The following ABCA10 variants were observed in gnomAD, a reference collection of about 807,000 sequenced individuals.
The protein encoded by ABCA10 is ATP-binding cassette sub-family A member 10.
Under a neutral mutation model 187.5 loss-of-function variants are expected in ABCA10, and 169 were observed. The ratio of observed to expected loss-of-function variants is 0.90; its 90% CI spans 0.80 to 1.02. ABCA10 has a LOEUF of 1.02. Ranked by LOEUF, ABCA10 falls within the 50% of genes least tolerant of loss-of-function variation. The pLI is 0.00. For missense variants in ABCA10, 1,727 were observed against 1,812.4 expected, an observed-to-expected ratio of 0.95 and a Z score of 0.86; for synonymous variants, 574 against 601.8, an observed-to-expected ratio of 0.95 and a Z score of 0.68.
chr17:69,238,650 G>A (rs1713631718), intron 1 of ABCA10, among the ~76,000 whole-genome samples: 1 of 152,144 alleles, frequency 6.6e-6, no homozygotes, highest in Non-Finnish European at 1.5e-5. Flanking sequence ...TAAAATGATT[G>A]GGCATTCTGT....
rs543721541 is a variant in ABCA10 at position 69,151,666 on chromosome 17, G to A, written c.4397+377C>T. On this transcript the variant is annotated intron_variant, in intron 36 of 38. Transcript: ENST00000690296. ...TCTCAAGCATGGAAGTCTGTGTTAC[G>A]GAGCTCTTGATGCAATTTATATTCA... Among the ~76,000 whole-genome samples, 207 of 152,198 alleles carry A rather than the reference G, an allele frequency of 1.4e-3. 1 individual carries two copies. Among genetic ancestry groups the A allele is most frequent in the Non-Finnish European group, 2.5e-3 (173 of 68,012 alleles).
chr17:69,216,920 GC>G (rs1406181239), intron 6 of ABCA10, among the ~76,000 whole-genome samples: 3 of 152,058 alleles, frequency 2.0e-5, no homozygotes, highest in South Asian at 4.1e-4. Flanking sequence ...ATACCATAGT[GC>G]TATTAAGAAA....
rs1349049226 is a variant in ABCA10, at chr17:69,225,349, T to C, written c.10A>G (p.Met4Val). 1 of 1,613,116 alleles carries C rather than the reference T, an allele frequency of 6.2e-7. No individual in the cohort carries two copies. The highest frequency in any genetic ancestry group is 8.5e-7 in the Non-Finnish European group (1 of 1,179,448). The change falls in exon 3 of 39, where the codon ATG becomes GTG. Residue 4 changes from methionine to valine, a missense_variant. By Grantham distance (21) the Met-to-Val change is conservative. Coordinates refer to ENST00000690296, the MANE Select transcript of ABCA10 (RefSeq NM_001377321.1). MNK[M>V]ALASFMKGRT... ...CCTTTCATAAAGGAAGCCAAGGCCA[T>C]CTTATTCATTATCCTTTGTGTTATG...
intron 25 of ABCA10, among the ~76,000 whole-genome samples, chr17:69,171,012 G>A (rs1039005239): frequency 7.9e-5 from 12 of 152,232 alleles, no homozygotes; most frequent in Middle Eastern, 6.8e-3. Flanking sequence ...TTGTACAATC[G>A]TAGATGGATT....
At chr17:69,174,518 C>T in intron 24 of ABCA10, 89 bp downstream of exon 24, 3 of 1,459,086 alleles carry the variant, frequency 2.1e-6, no homozygotes, top group Non-Finnish European at 2.8e-6. Flanking sequence ...ATATTACATG[C>T]CTTTTGCTAA....
chr17:69,153,990 C>A lies in ABCA10; in HGVS notation c.3806G>T (p.Arg1269Ile). The change falls in exon 32 of 39, where the codon AGA (arginine) becomes ATA (isoleucine). Residue 1269 changes from arginine to isoleucine, a missense_variant. Physicochemically the swap from Arg to Ile is moderately conservative, Grantham distance 97 (BLOSUM62 -3). Transcript: ENST00000690296. ...GTCATGCTGTTGCCTTACTGATGCTCTGCTGCCTTGTAACACCACCTGCAC... is the reference window on the plus strand; with the variant it reads ...GTCATGCTGTTGCCTTACTGATGCTATGCTGCCTTGTAACACCACCTGCAC... ...TAGVVVLQGS[R>I]ASVRQQHDNS... 1 of 1,613,786 alleles carries A rather than the reference C, an allele frequency of 6.2e-7. No individual in the cohort carries two copies. The highest frequency in any genetic ancestry group is 8.5e-7 in the Non-Finnish European group (1 of 1,179,832).
chr17:69,193,957 CAG>C lies in ABCA10; in HGVS notation c.1376_1377del (p.Ser459Ter), dbSNP rs755923496. On this transcript the variant is annotated frameshift_variant, in exon 13 of 39. Coordinates refer to ENST00000690296, the MANE Select transcript of ABCA10 (RefSeq NM_001377321.1). LOFTEE classifies it high-confidence loss of function. ...CTAATTTCTTCCATGTCAGTTATTT[CAG>C]AGAGTTGAGTATTATAAATAGTGGC... ...GSATIYNTQLSEITDMEEIRK... is the reference protein window; with the variant it reads ...GSATIYNTQLXEITDMEEIRK... The C allele has an allele frequency of 1.2e-6, 2 of 1,606,520 alleles. No individual in the cohort carries two copies. The highest frequency in any genetic ancestry group is 2.8e-5 in the African/African-American group (2 of 70,832).
chr17:69,164,165 AC>A lies in ABCA10; in HGVS notation c.3283-12del. ...TCTCATAAAGTCGAGCTGAAAAAAAACCCACCAACAGTTAAATGCAAGTTTC... is the reference window on the plus strand; with the variant it reads ...TCTCATAAAGTCGAGCTGAAAAAAAACCACCAACAGTTAAATGCAAGTTTC... On this transcript the variant is annotated splice_polypyrimidine_tract_variant and intron_variant, in intron 26 of 38. Transcript: ENST00000690296. 2 of 1,569,434 alleles carry A rather than the reference AC, an allele frequency of 1.3e-6. No homozygotes were observed. Among genetic ancestry groups the A allele is most frequent in the Non-Finnish European group, 1.7e-6 (2 of 1,165,784 alleles).
intron 37 of ABCA10, 117 bp from the exon 38 acceptor site, chr17:69,149,205 T>C: frequency 9.3e-7 from 1 of 1,070,992 alleles, no homozygotes; most frequent in Non-Finnish European, 1.4e-6. Flanking sequence ...ATAGGCCAAA[T>C]AATTACATTT....
At chr17:69,149,371 G>T (rs1424143878) in intron 37 of ABCA10, 6 of 354,488 alleles carry the variant, frequency 1.7e-5, no homozygotes, top group Non-Finnish European at 3.1e-5. Context: ...CAAATCAGTT[G>T]TCGAGAATAA....
At chr17:69,194,582 A>C in intron 11 of ABCA10, 87 bp from the exon 12 acceptor site, 14 of 809,328 alleles carry the variant, frequency 1.7e-5, no homozygotes, top group Non-Finnish European at 2.3e-5. Context: ...AATATATCTC[A>C]GCATTTCATT....
Position 69,193,920 on chromosome 17 carries a change from C to G in ABCA10, c.1415G>C (p.Gly472Ala). ...TDMEEIRKNI[G>A]FCPQFNFQFD... ...TTGAAAATTGAACTGTGGACAAAAT[C>G]CAATATTCTTTCTAATTTCTTCCAT... The change falls in exon 13 of 39, where the codon GGA becomes GCA. Residue 472 changes from glycine (G) to alanine (A), a missense_variant. Physicochemically the swap from Gly to Ala is moderately conservative, Grantham distance 60 (BLOSUM62 0). Transcript: ENST00000690296. 1 of 1,612,554 alleles carries G rather than the reference C, an allele frequency of 6.2e-7. No individual in the cohort carries two copies. Among genetic ancestry groups the G allele is most frequent in the South Asian group, 1.1e-5 (1 of 90,994 alleles).
intron 22 of ABCA10, among the ~76,000 whole-genome samples, chr17:69,179,536 G>A (rs1254497891): frequency 1.3e-5 from 2 of 152,120 alleles, no homozygotes; most frequent in East Asian, 3.9e-4. Context: ...TCTTTCCTCA[G>A]CTCCATTTCT....
chr17:69,156,199 C>T (rs115126257), intron 28 of ABCA10, among the ~76,000 whole-genome samples: 237 of 152,240 alleles, frequency 1.6e-3, no homozygotes, highest in African/African-American at 5.4e-3. Context: ...TGTAGACATA[C>T]GGGTCTTTTA....
intron 5 of ABCA10, among the ~76,000 whole-genome samples, chr17:69,220,797 C>T (rs374806689): frequency 4.7e-4 from 71 of 152,270 alleles, no homozygotes; most frequent in African/African-American, 1.6e-3. Context: ...TGACCCACCA[C>T]CTGTTTTTGT....
At position 69,178,766 on chromosome 17, in the gene ABCA10, T is replaced by G. The variant is rs185817933; in HGVS notation, c.2770-3253A>C. ...GTTTGGTTATGCATGAGTAAAAGAA[T>G]GAATAATTATTGTTTTCTTTAAAAA... On this transcript the variant is annotated intron_variant, in intron 22 of 38. Coordinates refer to ENST00000690296, the MANE Select transcript of ABCA10 (RefSeq NM_001377321.1). 5.4e-4 allele frequency among the ~76,000 whole-genome samples: 82 copies of G among 152,292 alleles called. No homozygotes were observed. In the East Asian group the frequency reaches 0.014, roughly 25 times the overall value.
At chr17:69,166,819 G>C (rs187756226) in intron 25 of ABCA10, among the ~76,000 whole-genome samples, 1 of 152,280 alleles carries the variant, frequency 6.6e-6, no homozygotes, top group Admixed American at 6.5e-5. Context: ...TTTTAATACA[G>C]ATGGAAGTGC....
At chr17:69,154,418 G>GA in intron 30 of ABCA10, 92 bp from the exon 31 acceptor site, 45 of 639,128 alleles carry the variant, frequency 7.0e-5, no homozygotes, top group Non-Finnish European at 8.2e-5. Context: ...GAAACAAAAT[G>GA]ACTTTTTTTT....
chr17:69,242,004 T>C (rs2074905618), intron 1 of ABCA10, among the ~76,000 whole-genome samples: 1 of 152,216 alleles, frequency 6.6e-6, no homozygotes, highest in South Asian at 2.1e-4. Flanking sequence ...GATGCCTACT[T>C]ACTAAAGAAT....
Sources: allele counts gnomAD v4.1 joint callset (sites outside exome capture counted in the v4.1 genomes callset), GRCh38; gene constraint gnomAD v4.1.1; transcripts MANE v1.5; gene names NCBI Gene and HGNC (gene_info 2026-07-23, HGNC 2026-07-21).